Variants in SLC25A48 observed in about 807,000 individuals in gnomAD.
SLC25A48 encodes the protein CTC-321K16.1.
A neutral mutation model predicts 32.2 loss-of-function variants in SLC25A48; 29 were observed. The observed-to-expected ratio is 0.90, with a 90% CI of 0.67 to 1.23. The LOEUF (loss-of-function observed/expected upper bound fraction) is 1.23, where lower values mean the gene tolerates loss of function less well. Ranked by LOEUF, SLC25A48 falls within the 50% of genes most tolerant of loss-of-function variation. The pLI is 0.00. For synonymous variants in SLC25A48, 164 were observed against 172.3 expected, an observed-to-expected ratio of 0.95 and a Z score of 0.38; for missense variants, 399 against 422.7, an observed-to-expected ratio of 0.94 and a Z score of 0.49.
chr5:135,633,398 G>C (rs1752624188), intron 2 of SLC25A48, among the ~76,000 whole-genome samples: 1 of 151,802 alleles, frequency 6.6e-6, no homozygotes, highest in African/African-American at 2.4e-5. Flanking sequence ...TCATAAGGGT[G>C]GGGTCCTAAT....
chr5:135,643,311 G>A (rs970668421), intron 3 of SLC25A48, among the ~76,000 whole-genome samples: 1 of 152,172 alleles, frequency 6.6e-6, no homozygotes, highest in African/African-American at 2.4e-5. Context: ...TCTCAGTCTG[G>A]GGCTGAACAC....
intron 3 of SLC25A48, among the ~76,000 whole-genome samples, chr5:135,700,256 C>G (rs1028421434): frequency 1.4e-4 from 21 of 150,690 alleles, no homozygotes; most frequent in African/African-American, 4.6e-4. Context: ...CCTGTAATCC[C>G]AGCTACTTGG....
At chr5:135,739,684 T>G (rs988276441) in intron 3 of SLC25A48, among the ~76,000 whole-genome samples, 1 of 152,232 alleles carries the variant, frequency 6.6e-6, no homozygotes, top group African/African-American at 2.4e-5. Flanking sequence ...TCAAGACATA[T>G]TCAGCATTTT....
At chr5:135,706,862 C>A (rs938406794) in intron 3 of SLC25A48, among the ~76,000 whole-genome samples, 4 of 152,248 alleles carry the variant, frequency 2.6e-5, no homozygotes, top group Non-Finnish European at 4.4e-5. Context: ...GTGAGGGTAG[C>A]AGCCCCTCTT....
At chr5:135,651,901 G>A (rs1255321124) in intron 3 of SLC25A48, among the ~76,000 whole-genome samples, 3 of 152,192 alleles carry the variant, frequency 2.0e-5, no homozygotes, top group African/African-American at 7.2e-5. Context: ...AATAAAGTCT[G>A]GGGAAGATAT....
chr5:135,796,449 A>G (rs1032756075), intron 3 of SLC25A48, among the ~76,000 whole-genome samples: 1 of 151,514 alleles, frequency 6.6e-6, no homozygotes, highest in Non-Finnish European at 1.5e-5. Context: ...GGAGAGGGTG[A>G]TATTACTCCC....
intron 3 of SLC25A48, among the ~76,000 whole-genome samples, chr5:135,658,499 G>A (rs569856435): frequency 1.3e-5 from 2 of 152,288 alleles, no homozygotes; most frequent in African/African-American, 4.8e-5. Context: ...CCAGGCTCAT[G>A]GTGCAAGCTA....
chr5:135,616,558 T>C (rs1034605321), intron 1 of SLC25A48, among the ~76,000 whole-genome samples: 7 of 152,244 alleles, frequency 4.6e-5, no homozygotes, highest in Non-Finnish European at 8.8e-5. Context: ...TGGGAGCACT[T>C]ACCCAATGCT....
intron 3 of SLC25A48, among the ~76,000 whole-genome samples, chr5:135,662,369 T>G (rs1191604809): frequency 6.6e-6 from 1 of 152,202 alleles, no homozygotes; most frequent in Non-Finnish European, 1.5e-5. Context: ...AAGCAGTCAC[T>G]GCAGTCCCCA....
At chr5:135,789,764 T>C (rs1294097823) in intron 3 of SLC25A48, among the ~76,000 whole-genome samples, 2 of 152,078 alleles carry the variant, frequency 1.3e-5, no homozygotes, top group East Asian at 3.9e-4. Flanking sequence ...TACTTCTCGA[T>C]TGTACCTTGC....
chr5:135,861,309 A>ACATG (rs1315608691), intron 4 of SLC25A48, among the ~76,000 whole-genome samples: 169 of 129,012 alleles, frequency 1.3e-3, no homozygotes, highest in African/African-American at 5.4e-3. Context: ...CATCAAATAC[A>ACATG]CACGCACACA....
intron 3 of SLC25A48, among the ~76,000 whole-genome samples, chr5:135,765,342 T>G (rs35181458): frequency 0.3 from 45,631 of 151,084 alleles, 7,013 homozygotes; most frequent in East Asian, 0.46. Flanking sequence ...GATATGGTTC[T>G]TAATATCCAG....
intron 1 of SLC25A48, among the ~76,000 whole-genome samples, chr5:135,624,542 G>A: frequency 6.6e-6 from 1 of 152,214 alleles, no homozygotes. Flanking sequence ...GTGTGAGAAT[G>A]ACTGTTTGGC....
intron 3 of SLC25A48, among the ~76,000 whole-genome samples, chr5:135,665,225 T>C (rs901496979): frequency 1.1e-4 from 16 of 152,244 alleles, no homozygotes; most frequent in African/African-American, 3.9e-4. Context: ...ATATCCTCTT[T>C]TGAGAAATGT....
At chr5:135,757,389 T>A (rs1755940733) in intron 3 of SLC25A48, among the ~76,000 whole-genome samples, 1 of 149,578 alleles carries the variant, frequency 6.7e-6, no homozygotes, top group Admixed American at 6.7e-5. Flanking sequence ...TATATGACAT[T>A]TATAATGTCT....
chr5:135,854,863 C>A (rs1760176394), intron 4 of SLC25A48, among the ~76,000 whole-genome samples: 1 of 152,216 alleles, frequency 6.6e-6, no homozygotes, highest in Admixed American at 6.5e-5. Context: ...GTTTAATCAT[C>A]TCTAGCTTTT....
chr5:135,832,379 G>A (rs148853592), upstream of SLC25A48, among the ~76,000 whole-genome samples: 576 of 152,310 alleles, frequency 3.8e-3, 1 homozygote, highest in African/African-American at 0.012. Flanking sequence ...CATGGGCAGC[G>A]CCTTCACTGC....
chr5:135,769,004 G>C (rs554548401), intron 3 of SLC25A48, among the ~76,000 whole-genome samples: 1 of 151,632 alleles, frequency 6.6e-6, no homozygotes, highest in Non-Finnish European at 1.5e-5. Flanking sequence ...TTCAGGGGGT[G>C]TACACACCTC....
chr5:135,651,921 G>A (rs1001059682), intron 3 of SLC25A48, among the ~76,000 whole-genome samples: 10 of 152,224 alleles, frequency 6.6e-5, no homozygotes, highest in African/African-American at 2.4e-4. Flanking sequence ...TATATGGATG[G>A]ATCTCTCTCA....
Sources: allele counts gnomAD v4.1 joint callset (sites outside exome capture counted in the v4.1 genomes callset), GRCh38; gene constraint gnomAD v4.1.1; transcripts MANE v1.5; gene names NCBI Gene and HGNC (gene_info 2026-07-23, HGNC 2026-07-21).